Variants in EYA2 observed in about 807,000 individuals in gnomAD.
EYA2 encodes EYA transcriptional coactivator and phosphatase 2.
Under a neutral mutation model 69.2 loss-of-function variants are expected in EYA2, and 31 were observed. That is an observed-to-expected ratio of 0.45 (90% CI 0.34 to 0.60). The LOEUF is 0.60. EYA2 is among the 20% of genes least tolerant of loss of function. The pLI, the probability that EYA2 is intolerant of heterozygous loss-of-function variation, is 0.02. For synonymous variants in EYA2, 257 were observed against 279.4 expected (o/e 0.92, Z 0.80); for missense variants, 622 against 701.2 (o/e 0.89, Z 1.28).
intron 9 of EYA2, among the ~76,000 whole-genome samples, chr20:47,130,256 A>ATTTTTTTTTTTTTT (rs1392782309): frequency 1.6e-4 from 11 of 69,756 alleles, no homozygotes; most frequent in African/African-American, 2.3e-4. Flanking sequence ...AAGAAGGTTT[A>ATTTTTTTTTTTTTT]TTTTCTTTTT....
intron 2 of EYA2, among the ~76,000 whole-genome samples, chr20:46,991,077 A>C (rs1010759504): frequency 6.6e-6 from 1 of 152,222 alleles, no homozygotes; most frequent in African/African-American, 2.4e-5. Flanking sequence ...ATGGTGAAGA[A>C]CATACCCTCA....
intron 1 of EYA2, among the ~76,000 whole-genome samples, chr20:46,957,528 T>TACACAC (rs1979202028): frequency 9.6e-6 from 1 of 104,502 alleles, no homozygotes; most frequent in African/African-American, 4.1e-5. Context: ...AGAAGGAGAT[T>TACACAC]TCACACACAC....
chr20:47,016,097 G>T (rs1983390516), intron 4 of EYA2, 84 bp from the exon 5 acceptor site: 1 of 1,006,636 alleles, frequency 9.9e-7, no homozygotes, highest in South Asian at 1.3e-5. Flanking sequence ...ATGCTGTCTT[G>T]ACCCAGTAGC....
At chr20:46,913,301 T>G (rs1227264713) in intron 1 of EYA2, among the ~76,000 whole-genome samples, 1 of 152,064 alleles carries the variant, frequency 6.6e-6, no homozygotes, top group African/African-American at 2.4e-5. Context: ...GTGCCTGGTG[T>G]GTTCAGGAAT....
At chr20:47,106,982 G>A (rs933326477) in intron 9 of EYA2, among the ~76,000 whole-genome samples, 40 of 152,160 alleles carry the variant, frequency 2.6e-4, no homozygotes, top group Non-Finnish European at 5.0e-4. Flanking sequence ...GGAGGAATTT[G>A]CAGTTGTCAC....
intron 1 of EYA2, among the ~76,000 whole-genome samples, chr20:46,917,137 T>G (rs930578583): frequency 6.6e-6 from 1 of 152,214 alleles, no homozygotes; most frequent in Non-Finnish European, 1.5e-5. Context: ...CCTAACATCT[T>G]GTACTTCCTC....
chr20:47,121,078 G>A (rs182676228), intron 9 of EYA2, among the ~76,000 whole-genome samples: 10 of 133,722 alleles, frequency 7.5e-5, no homozygotes, highest in Admixed American at 6.9e-4. Context: ...ATTCAAGTTT[G>A]TTGTTGTTGT....
intron 15 of EYA2, among the ~76,000 whole-genome samples, chr20:47,183,869 A>G (rs1416760737): frequency 1.3e-5 from 2 of 152,148 alleles, no homozygotes; most frequent in African/African-American, 4.8e-5. Flanking sequence ...AACAGCTGCC[A>G]AAGTCCTGGG....
At chr20:46,926,210 GA>G (rs1289885531) in intron 1 of EYA2, among the ~76,000 whole-genome samples, 3 of 152,166 alleles carry the variant, frequency 2.0e-5, no homozygotes, top group Admixed American at 2.0e-4. Flanking sequence ...CAGAGAAACA[GA>G]AAAAAATAGG....
intron 9 of EYA2, among the ~76,000 whole-genome samples, chr20:47,110,783 C>A (rs954027458): frequency 2.0e-5 from 3 of 152,188 alleles, no homozygotes; most frequent in Admixed American, 6.5e-5. Context: ...GCAAATACAG[C>A]AGAAATAAGA....
At chr20:46,953,693 G>A (rs1978945007) in intron 1 of EYA2, among the ~76,000 whole-genome samples, 1 of 152,134 alleles carries the variant, frequency 6.6e-6, no homozygotes. Flanking sequence ...AAGTGTCTCT[G>A]GACATTGCCA....
chr20:46,933,217 G>T (rs1047924019), intron 1 of EYA2, among the ~76,000 whole-genome samples: 3 of 152,202 alleles, frequency 2.0e-5, no homozygotes, highest in African/African-American at 7.2e-5. Context: ...AACCAGAAAA[G>T]GCAGACTAGG....
chr20:46,898,491 T>G (rs745372830), intron 1 of EYA2, among the ~76,000 whole-genome samples: 5 of 152,030 alleles, frequency 3.3e-5, no homozygotes, highest in Non-Finnish European at 5.9e-5. Context: ...AACAGCTTCC[T>G]GAATGGCCCA....
chr20:46,974,627 C>T (rs879417665), intron 1 of EYA2, among the ~76,000 whole-genome samples: 3 of 152,116 alleles, frequency 2.0e-5, no homozygotes, highest in African/African-American at 7.2e-5. Context: ...TCAAGCACTT[C>T]GTGTTGTCCA....
rs369373182 is a variant in EYA2, at chr20:46,989,369, G to A, written c.-10-632G>A. On this transcript the variant is annotated intron_variant, in intron 1 of 15. Coordinates refer to ENST00000327619, the MANE Select transcript of EYA2 (RefSeq NM_005244.5). ...CAACCTCTGCCTCCCGGGTTCAAGCGATTCTCCTGCCTCAGCCTCCCGAGT... is the reference window on the plus strand; with the variant it reads ...CAACCTCTGCCTCCCGGGTTCAAGCAATTCTCCTGCCTCAGCCTCCCGAGT... Among the ~76,000 whole-genome samples, 25 of 152,206 alleles carry A rather than the reference G, an allele frequency of 1.6e-4. No homozygotes were observed. The East Asian group carries it at 2.5e-3, about 15-fold the overall frequency.
rs116202836 is a variant in EYA2 at position 47,108,776 on chromosome 20, T to C, written c.888+11608T>C. On this transcript the variant is annotated intron_variant, in intron 9 of 15. Transcript: ENST00000327619. The stretch of plus-strand genomic sequence containing the variant: ...GACGAGGGTCTCAGTGGCTGGTCTC[T>C]ACTCCTGGGCTCAAGCGATCCTCCC... Among the ~76,000 whole-genome samples the C allele has an allele frequency of 6.4e-3, 969 of 151,934 alleles. 19 individuals are homozygous for C. Among genetic ancestry groups the C allele is most frequent in the African/African-American group, 0.022 (926 of 41,448 alleles).
chr20:47,032,145 G>C (rs1984451011), intron 5 of EYA2, among the ~76,000 whole-genome samples: 1 of 152,146 alleles, frequency 6.6e-6, no homozygotes, highest in South Asian at 2.1e-4. Context: ...CCAGGCTGTG[G>C]GATGCTCAGT....
At chr20:47,018,591 G>A (rs537273971) in intron 5 of EYA2, among the ~76,000 whole-genome samples, 236 of 152,364 alleles carry the variant, frequency 1.5e-3, no homozygotes, top group African/African-American at 5.3e-3. Flanking sequence ...GGAGGGGCCA[G>A]AGCTGGGCCG....
At chr20:46,925,379 G>A (rs1985371328) in intron 1 of EYA2, among the ~76,000 whole-genome samples, 1 of 152,114 alleles carries the variant, frequency 6.6e-6, no homozygotes, top group African/African-American at 2.4e-5. Flanking sequence ...AATACCATAT[G>A]CAAAATCAAA....
Sources: gnomAD v4.1 joint callset for allele counts (sites outside exome capture counted in the v4.1 genomes callset) on GRCh38, gnomAD v4.1.1 for gene constraint, MANE v1.5 for transcripts, NCBI Gene and HGNC (gene_info 2026-07-23, HGNC 2026-07-21) for gene names.